Variants in ABCA9 observed in about 807,000 individuals in gnomAD.
The protein encoded by ABCA9 is ATP-binding cassette sub-family A member 9.
Under a neutral mutation model 205.3 loss-of-function variants are expected in ABCA9, and 183 were observed. The observed-to-expected ratio is 0.89, with a 90% CI of 0.79 to 1.01. The LOEUF (loss-of-function observed/expected upper bound fraction) is 1.01. Among genes scored for constraint, ABCA9 ranks in the 50% least tolerant of loss-of-function variants. The pLI, the probability that ABCA9 is intolerant of heterozygous loss-of-function variation, is 0.00. For synonymous variants in ABCA9, 651 were observed against 683.3 expected, an observed-to-expected ratio of 0.95 and a Z score of 0.74; for missense variants, 1,805 against 1,912.4, an observed-to-expected ratio of 0.94 and a Z score of 1.05.
At position 68,975,959 on chromosome 17, in the gene ABCA9, C is replaced by A; in HGVS notation, c.4831G>T (p.Asp1611Tyr). Residue 1611 changes from aspartate (D) to tyrosine (Y), a missense_variant, in exon 39 of 39, where the codon GAT becomes TAT. By Grantham distance (160) the Asp-to-Tyr change is radical. Transcript: ENST00000340001. ...QELGDLEEDF[D>Y]PSVKWKLLLQ... ...AGGAGTTTCCACTTCACCGAGGGAT[C>A]AAAGTCCTCTTCAAGATCACCCAGC... The A allele has an allele frequency of 6.2e-7, 1 of 1,613,744 alleles. No individual in the cohort carries two copies. Among genetic ancestry groups the A allele is most frequent in the South Asian group, 1.1e-5 (1 of 90,976 alleles).
chr17:69,032,366 C>G, intron 9 of ABCA9, 90 bp from the exon 10 acceptor site: 1 of 1,209,214 alleles, frequency 8.3e-7, no homozygotes, highest in Admixed American at 2.4e-5. Context: ...GACATTAAAC[C>G]TGAACCCACA....
chr17:68,984,942 A>G lies in ABCA9; in HGVS notation c.4322T>C (p.Val1441Ala). The stretch of plus-strand genomic sequence containing the variant: ...GGTCGACGGCTCATCCAGAAGCACC[A>G]CTGACGGGTTCCCCAGGATGCTCAG... ...FVLSILGNPS[V>A]VLLDEPSTGM... Residue 1441 changes from valine to alanine, a missense_variant, in exon 34 of 39, where the codon GTG (valine) becomes GCG (alanine). Physicochemically the swap from Val to Ala is moderately conservative, Grantham distance 64. Coordinates refer to ENST00000340001, the MANE Select transcript of ABCA9 (RefSeq NM_080283.4). The G allele has an allele frequency of 6.2e-7, 1 of 1,614,082 alleles. No homozygotes were observed. The highest frequency in any genetic ancestry group is 8.5e-7 in the Non-Finnish European group (1 of 1,180,016).
intron 22 of ABCA9, 43 bp downstream of exon 22, chr17:69,016,210 A>G (rs777567282): frequency 2.8e-6 from 4 of 1,412,978 alleles, no homozygotes; most frequent in Non-Finnish European, 3.7e-6. Context: ...TTTTCTTGAA[A>G]ACTTATCATG....
rs200509940 is a variant in ABCA9, at chr17:69,032,241, G to A, written c.1312C>T (p.Leu438=). 1 of 1,613,818 alleles carries A rather than the reference G, an allele frequency of 6.2e-7. No homozygotes were observed. The highest frequency in any genetic ancestry group is 2.2e-5 in the East Asian group (1 of 44,848). The change falls in exon 10 of 39, where the codon CTG becomes TTG. Residue 438 remains leucine (L), a synonymous_variant. Transcript: ENST00000340001. The part of the protein sequence containing the change: ...YGHRCSPLFF[L]KSCFWFQHGR... ...TGTTGAAACCAAAAACAGGATTTCA[G>A]GAAAAACAAGGGAGAACATCGATGT...
At chr17:69,044,234 C>A (rs1267760407) in intron 5 of ABCA9, among the ~76,000 whole-genome samples, 2 of 152,064 alleles carry the variant, frequency 1.3e-5, no homozygotes, top group African/African-American at 2.4e-5. Context: ...ATAAAAAATT[C>A]TATGATAGAA....
chr17:69,046,937 TTATA>T (rs3046836), intron 3 of ABCA9, among the ~76,000 whole-genome samples: 2 of 138,642 alleles, frequency 1.4e-5, no homozygotes, highest in South Asian at 2.3e-4. Flanking sequence ...ATAGAAAATT[TTATA>T]TATATATATA....
chr17:68,989,711 G>A, intron 30 of ABCA9, 102 bp downstream of exon 30: 1 of 722,916 alleles, frequency 1.4e-6, no homozygotes, highest in South Asian at 1.9e-5. Context: ...TTAGCCTGCT[G>A]CGTTTGTCAA....
At chr17:69,012,750 CTTTTAGTTATT>C (rs1038001338) in intron 22 of ABCA9, among the ~76,000 whole-genome samples, 2 of 152,106 alleles carry the variant, frequency 1.3e-5, no homozygotes, top group African/African-American at 4.8e-5. Flanking sequence ...CAATTATACT[CTTTTAGTTATT>C]TTTAAGTATA....
upstream of ABCA9, among the ~76,000 whole-genome samples, chr17:69,063,619 G>T (rs74319794): frequency 1.7e-3 from 257 of 150,920 alleles, 5 homozygotes; most frequent in East Asian, 0.039. Flanking sequence ...GTTTTTTTTT[G>T]TGTGTGTGTG....
chr17:69,021,699 TTCTTTCTTTCTC>T, intron 18 of ABCA9, 31 bp downstream of exon 18: 1 of 1,282,494 alleles, frequency 7.8e-7, no homozygotes, highest in Non-Finnish European at 1.1e-6. Context: ...CTTCCTTCCT[TTCTTTCTTTCTC>T]CCTTTCTTTC....
intron 30 of ABCA9, 100 bp downstream of exon 30, chr17:68,989,713 G>A (rs2069381462): frequency 8.1e-6 from 6 of 736,396 alleles, no homozygotes; most frequent in South Asian, 1.9e-5. Flanking sequence ...AGCCTGCTGC[G>A]TTTGTCAATA....
chr17:68,977,287 G>C (rs1355595332), intron 37 of ABCA9, among the ~76,000 whole-genome samples: 2 of 151,992 alleles, frequency 1.3e-5, no homozygotes, highest in Non-Finnish European at 2.9e-5. Context: ...AATAGATGAG[G>C]GGGGGAAAGA....
chr17:69,005,751 AT>A (rs893321405), intron 25 of ABCA9, among the ~76,000 whole-genome samples: 2 of 151,308 alleles, frequency 1.3e-5, no homozygotes, highest in African/African-American at 2.4e-5. Context: ...ATGCTGGCTT[AT>A]TTTTTTTTCC....
chr17:69,017,894 G>T, intron 20 of ABCA9, 105 bp from the exon 21 acceptor site: 1 of 1,272,830 alleles, frequency 7.9e-7, no homozygotes, highest in Non-Finnish European at 1.1e-6. Flanking sequence ...CAAAAGGACT[G>T]TCTAAGGCTT....
At chr17:69,018,062 A>G (rs2070687140) in intron 20 of ABCA9, 1 of 402,946 alleles carries the variant, frequency 2.5e-6, no homozygotes, top group Non-Finnish European at 4.4e-6. Context: ...GAAGCTATTA[A>G]TAGTCTATCT....
intron 25 of ABCA9, among the ~76,000 whole-genome samples, chr17:69,003,682 A>G (rs1490202583): frequency 6.6e-6 from 1 of 150,832 alleles, no homozygotes; most frequent in Non-Finnish European, 1.5e-5. Flanking sequence ...TAGATTGGGG[A>G]AATTCTCCTG....
intron 22 of ABCA9, 140 bp downstream of exon 22, chr17:69,016,113 T>TATAC (rs1422512467): frequency 3.2e-4 from 88 of 276,018 alleles, no homozygotes; most frequent in African/African-American, 2.0e-3. Context: ...TATATATATA[T>TATAC]ATATATATAT....
rs556942025 is a variant in ABCA9, at chr17:69,004,486, C to T, written c.3435+3273G>A. On this transcript the variant is annotated intron_variant, in intron 25 of 38. Transcript: ENST00000340001. ...CTGCCCGTTCTCAGATCTCCAGCTGCGTACTGGGAGAACCACTGCTTTCTT... is the reference window on the plus strand; with the variant it reads ...CTGCCCGTTCTCAGATCTCCAGCTGTGTACTGGGAGAACCACTGCTTTCTT... 5.9e-5 allele frequency among the ~76,000 whole-genome samples: 9 copies of T among 152,298 alleles called. No individual in the cohort carries two copies. The South Asian group carries it at 8.3e-4, about 14-fold the overall frequency.
At chr17:68,981,418 C>T (rs1567910328) in intron 37 of ABCA9, among the ~76,000 whole-genome samples, 1 of 152,024 alleles carries the variant, frequency 6.6e-6, no homozygotes, top group African/African-American at 2.4e-5. Flanking sequence ...AATCTCTGCT[C>T]CTAATCCATT....
Sources: gnomAD v4.1 joint callset for allele counts (sites outside exome capture counted in the v4.1 genomes callset) on GRCh38, gnomAD v4.1.1 for gene constraint, MANE v1.5 for transcripts, NCBI Gene and HGNC (gene_info 2026-07-23, HGNC 2026-07-21) for gene names.